The following RFC3 variants were observed in gnomAD, a reference collection of about 807,000 sequenced individuals.
RFC3 encodes A1 38 kDa subunit.
A neutral mutation model predicts 45.1 loss-of-function variants in RFC3; 41 were observed. The observed-to-expected ratio is 0.91, with a 90% CI of 0.71 to 1.18. The LOEUF is 1.18. Among genes scored for constraint, RFC3 ranks in the 50% most tolerant of loss-of-function variants. RFC3 has a pLI of 0.00. For synonymous variants in RFC3, 149 were observed against 144.0 expected, an observed-to-expected ratio of 1.03 and a Z score of -0.25; for missense variants, 423 against 428.1, an observed-to-expected ratio of 0.99 and a Z score of 0.10.
intron 8 of RFC3, among the ~76,000 whole-genome samples, chr13:33,895,551 T>C (rs1395226627): frequency 1.3e-5 from 2 of 152,170 alleles, no homozygotes; most frequent in Admixed American, 6.5e-5. Flanking sequence ...GAATGTAAAT[T>C]AGTGTAACCT....
intron 8 of RFC3, chr13:33,849,226 A>T (rs939940512): frequency 6.6e-6 from 1 of 152,324 alleles, no homozygotes; most frequent in Non-Finnish European, 1.5e-5. Context: ...GACCTGAAGC[A>T]GGAAGGAATA....
intron 8 of RFC3, among the ~76,000 whole-genome samples, chr13:33,884,718 C>T (rs1017568957): frequency 3.3e-5 from 5 of 152,114 alleles, no homozygotes; most frequent in African/African-American, 4.8e-5. Context: ...TCAAATGGTC[C>T]GTGCAGTCTC....
Position 33,828,509 on chromosome 13 carries a change from G to A in RFC3, c.392-1327G>A, listed in dbSNP as rs1030315294. Among the ~76,000 whole-genome samples the A allele has an allele frequency of 2.0e-5, 3 of 152,158 alleles. No homozygotes were observed. The East Asian group carries it at 5.8e-4, about 29-fold the overall frequency. ...TCCCTTGCTCTCACCCATAAATTGG[G>A]CTCTGTCGAATCTCCCCCCTCGGTA... On this transcript the variant is annotated intron_variant, in intron 4 of 8. Coordinates refer to ENST00000380071, the MANE Select transcript of RFC3 (RefSeq NM_002915.4).
chr13:33,833,427 A>G (rs1311973473), intron 7 of RFC3, among the ~76,000 whole-genome samples: 2 of 152,098 alleles, frequency 1.3e-5, no homozygotes, highest in African/African-American at 4.8e-5. Flanking sequence ...ACATTCCATT[A>G]TTATAATAGA....
chr13:33,872,865 G>GA (rs1489367573), intron 8 of RFC3, among the ~76,000 whole-genome samples: 2 of 148,994 alleles, frequency 1.3e-5, no homozygotes, highest in African/African-American at 5.0e-5. Context: ...ATGAATGAGT[G>GA]AATCATTGGT....
chr13:33,852,969 T>C (rs1409408777), intron 8 of RFC3, among the ~76,000 whole-genome samples: 1 of 152,186 alleles, frequency 6.6e-6, no homozygotes, highest in African/African-American at 2.4e-5. Context: ...AGAAGAGTTT[T>C]ACAGGCATTT....
chr13:33,901,705 G>A (rs919391374), intron 8 of RFC3, among the ~76,000 whole-genome samples: 1 of 152,020 alleles, frequency 6.6e-6, no homozygotes, highest in African/African-American at 2.4e-5. Flanking sequence ...AATGTTTCTA[G>A]CATTAAGAAA....
intron 8 of RFC3, among the ~76,000 whole-genome samples, chr13:33,881,165 G>T (rs191850932): frequency 6.6e-6 from 1 of 152,224 alleles, no homozygotes; most frequent in East Asian, 1.9e-4. Context: ...AATTTAGTAA[G>T]ATGTTTTATC....
At chr13:33,861,975 C>A (rs2082343712) in intron 8 of RFC3, among the ~76,000 whole-genome samples, 1 of 152,110 alleles carries the variant, frequency 6.6e-6, no homozygotes, top group Non-Finnish European at 1.5e-5. Flanking sequence ...TAGAAAGTTG[C>A]CTGTGAAAAT....
At chr13:33,889,158 C>G (rs1213834661) in intron 8 of RFC3, among the ~76,000 whole-genome samples, 1 of 152,176 alleles carries the variant, frequency 6.6e-6, no homozygotes, top group African/African-American at 2.4e-5. Flanking sequence ...AGCATGATAA[C>G]CCAAAGCTTC....
chr13:33,920,082 T>A (rs1049571575), intron 8 of RFC3, among the ~76,000 whole-genome samples: 1 of 152,178 alleles, frequency 6.6e-6, no homozygotes, highest in Admixed American at 6.5e-5. Context: ...TCACAGGGAC[T>A]CACTCCTGGG....
At chr13:33,938,943 C>A (rs1193649756) in intron 8 of RFC3, among the ~76,000 whole-genome samples, 2 of 152,052 alleles carry the variant, frequency 1.3e-5, no homozygotes, top group South Asian at 2.1e-4. Flanking sequence ...CAGTTAGTTT[C>A]TTTTTAACCA....
intron 8 of RFC3, among the ~76,000 whole-genome samples, chr13:33,907,909 G>A (rs2082680888): frequency 6.6e-6 from 1 of 151,428 alleles, no homozygotes; most frequent in Non-Finnish European, 1.5e-5. Flanking sequence ...AAAGTATTTG[G>A]GAATAACCTC....
chr13:33,847,507 AT>A, intron 8 of RFC3: 1 of 151,752 alleles, frequency 6.6e-6, no homozygotes, highest in Admixed American at 6.6e-5. Context: ...TATAGTTGTT[AT>A]CTACTGTAAG....
chr13:33,950,392 T>C (rs557041021), intron 8 of RFC3, among the ~76,000 whole-genome samples: 1 of 152,160 alleles, frequency 6.6e-6, no homozygotes, highest in Non-Finnish European at 1.5e-5. Flanking sequence ...AATATCGATA[T>C]AATGAAAAAG....
Position 33,830,840 on chromosome 13 carries a change from C to A in RFC3, c.695C>A (p.Ala232Asp), listed in dbSNP as rs377528243. Residue 232 changes from alanine (A) to aspartate (D), a missense_variant, in exon 6 of 9, where the codon GCC becomes GAC. Physicochemically the swap from Ala to Asp is moderately radical, Grantham distance 126. Coordinates refer to ENST00000380071, the MANE Select transcript of RFC3 (RefSeq NM_002915.4). The part of the protein sequence containing the change: ...NLRKALLMCE[A>D]CRVQQYPFTA... ...AGAAAAGCCCTGCTTATGTGTGAAG[C>A]CTGCAGAGTGCAACAGTGAGTGGAA... is the stretch of plus-strand genomic sequence containing the variant. The A allele has an allele frequency of 3.1e-6, 5 of 1,613,206 alleles. No homozygotes were observed. The African/African-American group carries it at 6.7e-5, about 22-fold the overall frequency.
downstream of RFC3, among the ~76,000 whole-genome samples, chr13:33,840,540 C>T (rs3135651): frequency 0.89 from 135,055 of 151,800 alleles, 60,346 homozygotes; most frequent in Non-Finnish European, 0.94. Context: ...TTCTGGCTCT[C>T]TCATTATTAC....
At chr13:33,970,808 G>T (rs1303321940), downstream of RFC3, among the ~76,000 whole-genome samples, 2 of 152,234 alleles carry the variant, frequency 1.3e-5, no homozygotes, top group Non-Finnish European at 2.9e-5. Flanking sequence ...ATTGAGAAGG[G>T]TCTTGTGGGT....
chr13:33,842,111 C>G (rs1297873132), downstream of RFC3, among the ~76,000 whole-genome samples: 3 of 152,020 alleles, frequency 2.0e-5, no homozygotes, highest in Admixed American at 6.6e-5. Context: ...GAGACCCTGT[C>G]TCTACAAATG....
Sources: allele counts gnomAD v4.1 joint callset (sites outside exome capture counted in the v4.1 genomes callset), GRCh38; gene constraint gnomAD v4.1.1; transcripts MANE v1.5; gene names NCBI Gene and HGNC (gene_info 2026-07-23, HGNC 2026-07-21).